Variants in SCYL3 observed in about 807,000 individuals in gnomAD.
The protein encoded by SCYL3 is SCY1 like pseudokinase 3.
Under a neutral mutation model 73.8 loss-of-function variants are expected in SCYL3, and 35 were observed. That is an observed-to-expected ratio of 0.47 (90% confidence interval 0.36 to 0.63). The LOEUF is 0.63. SCYL3 is among the 20% of genes least tolerant of loss of function. SCYL3 has a pLI of 0.00. For synonymous variants in SCYL3, 277 were observed against 295.2 expected (o/e 0.94, Z 0.63); for missense variants, 712 against 798.9 (o/e 0.89, Z 1.31).
At chr1:169,885,929 A>G (rs1661649056) in intron 2 of SCYL3, among the ~76,000 whole-genome samples, 4 of 152,156 alleles carry the variant, frequency 2.6e-5, no homozygotes, top group Admixed American at 2.6e-4. Context: ...CATGGGGGAT[A>G]CTTCTGAAGT....
chr1:169,892,679 G>C (rs531536176), intron 1 of SCYL3, among the ~76,000 whole-genome samples: 90 of 152,262 alleles, frequency 5.9e-4, no homozygotes, highest in Admixed American at 1.4e-3. Context: ...ATATGCATCA[G>C]TCTTCCCTTT....
At chr1:169,869,098 T>C (rs1213577480) in intron 6 of SCYL3, 59 bp from the exon 7 acceptor site, 66 of 1,401,380 alleles carry the variant, frequency 4.7e-5, no homozygotes, top group Non-Finnish European at 6.1e-5. Context: ...AGGACCTCTA[T>C]AGCTGGAGAC....
chr1:169,852,106 T>TG lies in SCYL3; in HGVS notation c.*1606dup, dbSNP rs2102099879. On this transcript the variant is annotated 3_prime_UTR_variant, in exon 13 of 13. Transcript: ENST00000367771. ...GGTAGTTGCTTTTAAAATTAAGAAG[T>TG]GGGACTACACCATATCAAATATATT... The TG allele has an allele frequency of 1.2e-5, 10 of 808,438 alleles. No homozygotes were observed. The South Asian group carries it at 1.6e-4, about 13-fold the overall frequency. 50.1% of individuals were successfully genotyped at this position (808,438 alleles called of 1,614,324 possible). A position where few individuals can be genotyped will look rare whatever the true frequency, so the allele number is the denominator to read the frequency against.
rs1658936640 is a variant in SCYL3 at position 169,854,521 on chromosome 1, CTT to C, written c.1754_1755del (p.Lys585SerfsTer9). 6.8e-6 allele frequency: 11 copies of C among 1,613,856 alleles called. No individual in the cohort carries two copies. Among genetic ancestry groups the C allele is most frequent in the Non-Finnish European group, 9.3e-6 (11 of 1,179,990 alleles). ...GDDADQIEPPKVSSQERPLKV... is the reference protein window; with the variant it reads ...GDDADQIEPPXVSSQERPLKV... ...TTAAGGGGCCTTTCTTGTGATGACACTTTTGGCGGCTCGATTTGGTCTGCGTC... is the reference window on the plus strand; with the variant it reads ...TTAAGGGGCCTTTCTTGTGATGACACTTGGCGGCTCGATTTGGTCTGCGTC... On this transcript the variant is annotated frameshift_variant, in exon 12 of 13. Coordinates refer to ENST00000367771, the MANE Select transcript of SCYL3 (RefSeq NM_020423.7). LOFTEE classifies it high-confidence loss of function.
At chr1:169,869,221 C>G in intron 6 of SCYL3, 182 bp from the exon 7 acceptor site, 1 of 565,714 alleles carries the variant, frequency 1.8e-6, no homozygotes, top group Non-Finnish European at 3.2e-6. Context: ...AGAAAGTTGT[C>G]CTGCCACCAC....
chr1:169,864,052 C>A (rs1414681588), intron 9 of SCYL3, among the ~76,000 whole-genome samples: 1 of 152,068 alleles, frequency 6.6e-6, no homozygotes, highest in Admixed American at 6.6e-5. Flanking sequence ...GAGGCACAGG[C>A]CTAAATGATT....
intron 2 of SCYL3, among the ~76,000 whole-genome samples, chr1:169,882,836 C>G (rs909160411): frequency 2.6e-5 from 4 of 152,100 alleles, no homozygotes; most frequent in African/African-American, 9.7e-5. Context: ...GGATTGTAAA[C>G]GCACAAATCA....
intron 2 of SCYL3, among the ~76,000 whole-genome samples, chr1:169,879,143 T>C (rs916362807): frequency 6.6e-6 from 1 of 152,192 alleles, no homozygotes; most frequent in Non-Finnish European, 1.5e-5. Context: ...TCCTGACAAG[T>C]AAGCAAATGC....
At position 169,864,376 on chromosome 1, in the gene SCYL3, G is replaced by A. The variant is rs1659878132; in HGVS notation, c.948C>T (p.Pro316=). The A allele has an allele frequency of 2.5e-6, 4 of 1,613,716 alleles. No homozygotes were observed. The Admixed American group carries it at 6.7e-5, about 27-fold the overall frequency. Residue 316 remains proline, a synonymous_variant, in exon 9 of 13, where the codon CCC becomes CCT. Coordinates refer to ENST00000367771, the MANE Select transcript of SCYL3 (RefSeq NM_020423.7). ...CTTTGAAAAAGCATTCACCTTTTTT[G>A]GGGCCAAGCAGATAAGGAAGAAAAC... The part of the protein sequence containing the change: ...VKSFLPYLLG[P]KKDHAQGETP...
At position 169,853,006 on chromosome 1, in the gene SCYL3, A is replaced by G; in HGVS notation, c.*707T>C. 2 of 1,611,764 alleles carry G rather than the reference A, an allele frequency of 1.2e-6. No homozygotes were observed. The highest frequency in any genetic ancestry group is 2.2e-5 in the South Asian group (2 of 91,026). On this transcript the variant is annotated 3_prime_UTR_variant, in exon 13 of 13. Coordinates refer to ENST00000367771, the MANE Select transcript of SCYL3 (RefSeq NM_020423.7). ...AGGGTGAAACTTATCACTAGGCAGA[A>G]CTGGGTTTGATGCTTTGTCAACTGA...
In SCYL3 at chr1:169,851,814, C is replaced by A; in HGVS notation, c.*1899G>T. 1 of 1,613,324 alleles carries A rather than the reference C, an allele frequency of 6.2e-7. No homozygotes were observed. Among genetic ancestry groups the A allele is most frequent in the Non-Finnish European group, 8.5e-7 (1 of 1,179,650 alleles). On this transcript the variant is annotated 3_prime_UTR_variant, in exon 13 of 13. Coordinates refer to ENST00000367771, the MANE Select transcript of SCYL3 (RefSeq NM_020423.7). ...TTGCTTGGTTTTTCATGGTCCCTGG[C>A]AGACTGGGTTTGTAGATGAAACTGA...
Position 169,851,873 on chromosome 1 carries a change from A to G in SCYL3, c.*1840T>C. On this transcript the variant is annotated 3_prime_UTR_variant, in exon 13 of 13. Coordinates refer to ENST00000367771, the MANE Select transcript of SCYL3 (RefSeq NM_020423.7). ...AAGTGGAACGTGTGAAACAGGAAAA[A>G]GGTATTTTCTGGGAACCCTTTGCTA... 6.2e-7 allele frequency: 1 copy of G among 1,614,070 alleles called. No individual in the cohort carries two copies. The highest frequency in any genetic ancestry group is 8.5e-7 in the Non-Finnish European group (1 of 1,179,958).
At chr1:169,894,086 G>C (rs2102227762), upstream of SCYL3, 1 of 152,394 alleles carries the variant, frequency 6.6e-6, no homozygotes, top group Middle Eastern at 3.4e-3. Context: ...ACGATACCGA[G>C]TTTCACTCAC....
At chr1:169,869,505 G>A (rs1402918993) in intron 6 of SCYL3, among the ~76,000 whole-genome samples, 1 of 152,226 alleles carries the variant, frequency 6.6e-6, no homozygotes, top group Non-Finnish European at 1.5e-5. Flanking sequence ...TAATTCTCAA[G>A]TATTTAGGAT....
intron 4 of SCYL3, 54 bp from the exon 5 acceptor site, chr1:169,873,806 A>G (rs1285700184): frequency 1.1e-5 from 14 of 1,272,248 alleles, no homozygotes; most frequent in Non-Finnish European, 1.6e-5. Context: ...TTGGTGAACT[A>G]ATCTCTTACA....
rs1203663415 is a variant in SCYL3 at position 169,852,850 on chromosome 1, C to T, written c.*863G>A. The T allele has an allele frequency of 6.2e-7, 1 of 1,613,994 alleles. No individual in the cohort carries two copies. The highest frequency in any genetic ancestry group is 8.5e-7 in the Non-Finnish European group (1 of 1,180,004). On this transcript the variant is annotated 3_prime_UTR_variant, in exon 13 of 13. Coordinates refer to ENST00000367771, the MANE Select transcript of SCYL3 (RefSeq NM_020423.7). ...GGAAGAAGAGTACAGGTCAGCGCTG[C>T]ATACAATAGCAGGGGCTTTGGAAGC...
chr1:169,863,105 G>A (rs1659784654), intron 9 of SCYL3, among the ~76,000 whole-genome samples: 1 of 152,034 alleles, frequency 6.6e-6, no homozygotes, highest in Non-Finnish European at 1.5e-5. Flanking sequence ...TAGAGATGGG[G>A]TTTCACCATG....
Position 169,851,960 on chromosome 1 carries a change from C to T in SCYL3, c.*1753G>A, listed in dbSNP as rs1333840780. 6.2e-7 allele frequency: 1 copy of T among 1,613,794 alleles called. No homozygotes were observed. Among genetic ancestry groups the T allele is most frequent in the Admixed American group, 1.7e-5 (1 of 60,012 alleles). The stretch of plus-strand genomic sequence containing the variant: ...AGGTATGGGCTGATTTCAATAGGGG[C>T]CAAACTTTAACAAGGCAAATTCTGC... On this transcript the variant is annotated 3_prime_UTR_variant, in exon 13 of 13. Coordinates refer to ENST00000367771, the MANE Select transcript of SCYL3 (RefSeq NM_020423.7).
chr1:169,863,006 A>G lies in SCYL3; in HGVS notation c.956-209T>C, dbSNP rs192759911. Among the ~76,000 whole-genome samples the G allele has an allele frequency of 7.9e-3, 1,198 of 152,076 alleles. 19 individuals are homozygous for G. Among genetic ancestry groups the G allele is most frequent in the African/African-American group, 0.027 (1,138 of 41,478 alleles). On this transcript the variant is annotated intron_variant, in intron 9 of 12. Coordinates refer to ENST00000367771, the MANE Select transcript of SCYL3 (RefSeq NM_020423.7). ...CGGCTCACTGCAACCTCCTCCTCCC[A>G]GGTTCAAGCAATTCTCCTGCCTCAG... is the stretch of plus-strand genomic sequence containing the variant.
Sources: gnomAD v4.1 joint callset for allele counts (sites outside exome capture counted in the v4.1 genomes callset) on GRCh38, gnomAD v4.1.1 for gene constraint, MANE v1.5 for transcripts, NCBI Gene and HGNC (gene_info 2026-07-23, HGNC 2026-07-21) for gene names.